STK32B: variants seen among roughly 807,000 people sequenced by gnomAD.
STK32B encodes serine/threonine-protein kinase 32B.
In STK32B, 43 loss-of-function variants were observed where a neutral mutation model predicts 52.6. That is an observed-to-expected ratio of 0.82 (90% CI 0.64 to 1.05). STK32B has a LOEUF of 1.05. STK32B is among the 50% of genes least tolerant of loss of function. STK32B has a pLI of 0.00. For synonymous variants in STK32B, 238 were observed against 204.3 expected (o/e 1.17, Z -1.41); for missense variants, 621 against 534.6 (o/e 1.16, Z -1.59).
chr4:5,219,347 C>T (rs1371779937), intron 3 of STK32B, among the ~76,000 whole-genome samples: 1 of 152,222 alleles, frequency 6.6e-6, no homozygotes, highest in Non-Finnish European at 1.5e-5. Flanking sequence ...TAGAGGAACC[C>T]AGCAAACGTG....
intron 4 of STK32B, among the ~76,000 whole-genome samples, chr4:5,376,920 G>A (rs1044309752): frequency 6.6e-6 from 1 of 152,030 alleles, no homozygotes; most frequent in Non-Finnish European, 1.5e-5. Context: ...GTTTGATGGT[G>A]CCCTGCAGTC....
At chr4:5,270,373 T>A (rs113399269) in intron 3 of STK32B, among the ~76,000 whole-genome samples, 1 of 152,098 alleles carries the variant, frequency 6.6e-6, no homozygotes, top group Non-Finnish European at 1.5e-5. Flanking sequence ...GTCTAGTCTT[T>A]CCATGTTCTT....
chr4:5,187,478 A>G (rs1256854200), intron 3 of STK32B, among the ~76,000 whole-genome samples: 1 of 152,200 alleles, frequency 6.6e-6, no homozygotes, highest in East Asian at 1.9e-4. Flanking sequence ...AAAGCTGAAG[A>G]CTAGTGGATT....
chr4:5,424,234 C>G (rs1712882797), intron 6 of STK32B, among the ~76,000 whole-genome samples: 1 of 152,136 alleles, frequency 6.6e-6, no homozygotes, highest in Non-Finnish European at 1.5e-5. Context: ...GAGGGTGGCT[C>G]AGAATTGGCC....
At chr4:5,046,031 A>G in the STK32B span, among the ~76,000 whole-genome samples, 1 of 152,310 alleles carries the variant, frequency 6.6e-6, no homozygotes, top group Admixed American at 6.5e-5. Context: ...ATCATATGAC[A>G]TCAAAGAAGA....
At chr4:5,449,650 G>A (rs1715800763) in intron 7 of STK32B, among the ~76,000 whole-genome samples, 1 of 152,130 alleles carries the variant, frequency 6.6e-6, no homozygotes, top group African/African-American at 2.4e-5. Flanking sequence ...AATGGCAAGT[G>A]AGCCAGGGAA....
chr4:5,427,476 C>A (rs1713205081), intron 6 of STK32B, among the ~76,000 whole-genome samples: 1 of 152,122 alleles, frequency 6.6e-6, no homozygotes, highest in African/African-American at 2.4e-5. Context: ...TATTTCTACA[C>A]ATATTTTGTA....
chr4:5,256,593 G>T (rs1370717582), intron 3 of STK32B, among the ~76,000 whole-genome samples: 1 of 152,188 alleles, frequency 6.6e-6, no homozygotes, highest in Non-Finnish European at 1.5e-5. Flanking sequence ...AGCACCAGCT[G>T]CCCCGTCTGT....
intron 4 of STK32B, among the ~76,000 whole-genome samples, chr4:5,336,060 G>A (rs917618670): frequency 1.0e-4 from 15 of 150,224 alleles, no homozygotes; most frequent in African/African-American, 3.4e-4. Context: ...AAAATGGAGA[G>A]TGCCTGGGCT....
chr4:5,180,835 T>C (rs1188621728), intron 3 of STK32B, among the ~76,000 whole-genome samples: 2 of 152,194 alleles, frequency 1.3e-5, no homozygotes, highest in Admixed American at 1.3e-4. Flanking sequence ...AATTTTTGCC[T>C]CTAAAGAACG....
intron 1 of STK32B, among the ~76,000 whole-genome samples, chr4:5,113,667 A>G (rs1334622647): frequency 6.6e-6 from 1 of 152,210 alleles, no homozygotes; most frequent in East Asian, 1.9e-4. Flanking sequence ...TTTGCCCTCA[A>G]TATAAGAAAT....
rs141511754 is a variant in STK32B at position 5,196,484 on chromosome 4, A to G, written c.260+28034A>G. 4.5e-3 allele frequency among the ~76,000 whole-genome samples: 677 copies of G among 151,944 alleles called. 6 individuals are homozygous for G. The highest frequency in any genetic ancestry group is 0.024 in the Middle Eastern group (7 of 294). On this transcript the variant is annotated intron_variant, in intron 3 of 11. Transcript: ENST00000282908. The stretch of plus-strand genomic sequence containing the variant: ...ACGCCTATAATCCCAGCACTTTAGG[A>G]GGCCACGGTGCGTAGATCACGAGGT...
intron 3 of STK32B, among the ~76,000 whole-genome samples, chr4:5,224,642 C>T (rs1347025161): frequency 6.6e-6 from 1 of 152,022 alleles, no homozygotes; most frequent in African/African-American, 2.4e-5. Flanking sequence ...TACTGTCAGA[C>T]GAATCTCAGG....
At chr4:5,488,782 C>A (rs1456164391) in intron 11 of STK32B, among the ~76,000 whole-genome samples, 1 of 152,144 alleles carries the variant, frequency 6.6e-6, no homozygotes, top group Non-Finnish European at 1.5e-5. Flanking sequence ...TTCTTCACAT[C>A]TTTCTCTCCT....
the STK32B span, among the ~76,000 whole-genome samples, chr4:5,022,603 C>A: frequency 6.6e-6 from 1 of 152,180 alleles, no homozygotes; most frequent in South Asian, 2.1e-4. Flanking sequence ...TTGTCTCCGC[C>A]AAAAGGTCTC....
At chr4:5,241,074 T>C (rs1038078081) in intron 3 of STK32B, among the ~76,000 whole-genome samples, 2 of 152,208 alleles carry the variant, frequency 1.3e-5, no homozygotes, top group African/African-American at 4.8e-5. Context: ...ATTAAAATTA[T>C]ATCATAGTTT....
At chr4:5,235,247 A>G (rs1724541264) in intron 3 of STK32B, among the ~76,000 whole-genome samples, 1 of 152,220 alleles carries the variant, frequency 6.6e-6, no homozygotes, top group Non-Finnish European at 1.5e-5. Flanking sequence ...TGCTGTGTAC[A>G]CTGCACATGT....
intron 11 of STK32B, among the ~76,000 whole-genome samples, chr4:5,484,621 T>G (rs1017646665): frequency 2.6e-5 from 4 of 152,334 alleles, no homozygotes; most frequent in African/African-American, 9.6e-5. Flanking sequence ...GTGAATTTGA[T>G]CCTGTCATTA....
In STK32B at chr4:5,194,738, T is replaced by C. The variant is rs140193728; in HGVS notation, c.260+26288T>C. On this transcript the variant is annotated intron_variant, in intron 3 of 11. Transcript: ENST00000282908. ...ATGGTTCTGCAGGCTGCACAGAAAC[T>C]GTAGCTGCTTCTGCTTCTGAGGAGG... 3.0e-3 allele frequency among the ~76,000 whole-genome samples: 461 copies of C among 152,304 alleles called. 1 individual carries two copies. Among genetic ancestry groups the C allele is most frequent in the African/African-American group, 0.01 (433 of 41,554 alleles).
Sources: gnomAD v4.1 joint callset for allele counts (sites outside exome capture counted in the v4.1 genomes callset) on GRCh38, gnomAD v4.1.1 for gene constraint, MANE v1.5 for transcripts, NCBI Gene and HGNC (gene_info 2026-07-23, HGNC 2026-07-21) for gene names.